DPF3: variants seen among roughly 807,000 people sequenced by gnomAD.
DPF3 encodes zinc finger protein DPF3.
A neutral mutation model predicts 56.8 loss-of-function variants in DPF3; 18 were observed. The observed-to-expected ratio is 0.32, with a 90% CI of 0.22 to 0.47. The LOEUF (loss-of-function observed/expected upper bound fraction) is 0.47. Ranked by LOEUF, DPF3 falls within the 20% of genes least tolerant of loss-of-function variation. The pLI is 1.00. For missense variants in DPF3, 403 were observed against 488.8 expected (o/e 0.82, Z 1.65); for synonymous variants, 188 against 180.2 (o/e 1.04, Z -0.35).
intron 1 of DPF3, among the ~76,000 whole-genome samples, chr14:72,854,754 C>T (rs1250298374): frequency 6.6e-6 from 1 of 152,184 alleles, no homozygotes; most frequent in Non-Finnish European, 1.5e-5. Flanking sequence ...TCAATTTCAG[C>T]CTGGCCCTGA....
chr14:72,778,121 T>G (rs115266611), intron 1 of DPF3, among the ~76,000 whole-genome samples: 3,471 of 152,240 alleles, frequency 0.023, 149 homozygotes, highest in African/African-American at 0.078. Flanking sequence ...AATCTGACCC[T>G]GCTAGCACCC....
chr14:72,827,097 T>C (rs1883841362), intron 1 of DPF3, among the ~76,000 whole-genome samples: 1 of 135,892 alleles, frequency 7.4e-6, no homozygotes, highest in Admixed American at 7.7e-5. Context: ...GTTAGTACAA[T>C]AGCCTCTGCA....
chr14:72,671,951 G>A (rs1360024386), intron 8 of DPF3, among the ~76,000 whole-genome samples: 1 of 152,182 alleles, frequency 6.6e-6, no homozygotes, highest in African/African-American at 2.4e-5. Flanking sequence ...AGTGGTAGGT[G>A]ATAAAATAGT....
chr14:72,829,997 C>G (rs1350644182), intron 1 of DPF3, among the ~76,000 whole-genome samples: 1 of 152,198 alleles, frequency 6.6e-6, no homozygotes, highest in Non-Finnish European at 1.5e-5. Flanking sequence ...CCGCCCACCT[C>G]GGCTTCCCAA....
intron 8 of DPF3, among the ~76,000 whole-genome samples, chr14:72,645,453 TG>T (rs1885695745): frequency 6.6e-6 from 1 of 152,078 alleles, no homozygotes; most frequent in South Asian, 2.1e-4. Context: ...CCCCAGTAGC[TG>T]GGACTACAGG....
chr14:72,629,825 T>A, intron 8 of DPF3, 89 bp from the exon 9 acceptor site: 3 of 1,098,932 alleles, frequency 2.7e-6, no homozygotes, highest in Non-Finnish European at 4.0e-6. Context: ...TGATGCCCAG[T>A]GTGCAGGCAG....
At chr14:72,637,066 A>C (rs1432419834) in intron 8 of DPF3, among the ~76,000 whole-genome samples, 1 of 152,252 alleles carries the variant, frequency 6.6e-6, no homozygotes, top group Non-Finnish European at 1.5e-5. Context: ...CCCAGGGGCT[A>C]TTGCACCAGT....
At chr14:72,770,438 G>A (rs1891474827) in intron 2 of DPF3, among the ~76,000 whole-genome samples, 1 of 152,344 alleles carries the variant, frequency 6.6e-6, no homozygotes, top group Middle Eastern at 3.4e-3. Flanking sequence ...GGGGAAAAAT[G>A]AATGTTGGCC....
rs905116935 is a variant in DPF3 at position 72,738,274 on chromosome 14, T to C, written c.302-6340A>G. ...GTTTTGTGACTCATAAAGCTCGAAA[T>C]AGATGAGGTTCACATTGAGGACCCA... is the stretch of plus-strand genomic sequence containing the variant. On this transcript the variant is annotated intron_variant, in intron 3 of 10. Transcript: ENST00000556509. Among the ~76,000 whole-genome samples the C allele has an allele frequency of 3.9e-5, 6 of 151,998 alleles. No homozygotes were observed. The East Asian group carries it at 1.2e-3, about 29-fold the overall frequency.
chr14:72,700,875 G>A (rs1888129092), intron 6 of DPF3, among the ~76,000 whole-genome samples: 1 of 152,240 alleles, frequency 6.6e-6, no homozygotes, highest in African/African-American at 2.4e-5. Context: ...ATGGGGAGTC[G>A]TGGCTGTTCT....
At chr14:72,870,572 C>G (rs750893330) in intron 1 of DPF3, among the ~76,000 whole-genome samples, 4 of 152,196 alleles carry the variant, frequency 2.6e-5, no homozygotes, top group Admixed American at 1.3e-4. Flanking sequence ...TTCTTGAAGA[C>G]TCTTTAACAC....
At chr14:72,791,288 T>C (rs1407919601) in intron 1 of DPF3, among the ~76,000 whole-genome samples, 2 of 152,220 alleles carry the variant, frequency 1.3e-5, no homozygotes, top group Admixed American at 6.5e-5. Flanking sequence ...GAGTGCTACA[T>C]GGCCTCTGCC....
chr14:72,694,950 A>C (rs1379147445), intron 6 of DPF3, among the ~76,000 whole-genome samples: 3 of 152,198 alleles, frequency 2.0e-5, no homozygotes, highest in Non-Finnish European at 4.4e-5. Context: ...TTATTGAACC[A>C]TTCTTGCATT....
chr14:72,624,585 C>A (rs546942421), intron 9 of DPF3, among the ~76,000 whole-genome samples: 10 of 152,174 alleles, frequency 6.6e-5, no homozygotes, highest in East Asian at 1.9e-4. Flanking sequence ...GTAATCCGCC[C>A]GCCTCAGCCT....
At chr14:72,776,391 G>C (rs973709811) in intron 1 of DPF3, among the ~76,000 whole-genome samples, 1 of 152,142 alleles carries the variant, frequency 6.6e-6, no homozygotes, top group African/African-American at 2.4e-5. Context: ...GGGGCTTTGT[G>C]AGTGATGGAG....
intron 8 of DPF3, among the ~76,000 whole-genome samples, chr14:72,668,629 C>T (rs1453730833): frequency 6.6e-6 from 1 of 152,036 alleles, no homozygotes; most frequent in Non-Finnish European, 1.5e-5. Context: ...AGACTCCAAG[C>T]TAGACTCTGA....
intron 8 of DPF3, chr14:72,661,344 C>A: frequency 1.0e-6 from 1 of 985,326 alleles, no homozygotes; most frequent in Non-Finnish European, 1.2e-6. Flanking sequence ...ACCTGCCCTG[C>A]CCTTTCAGAG....
rs1205514379 is a variant in DPF3 at position 72,756,956 on chromosome 14, G to A, written c.194-3585C>T. Among the ~76,000 whole-genome samples, 441 of 100,958 alleles carry A rather than the reference G, an allele frequency of 4.4e-3. 3 individuals are homozygous for A. The highest frequency in any genetic ancestry group is 0.014 in the South Asian group (40 of 2,840). The allele number at this position is 100,958 out of a possible 152,430, so 66.2% of individuals were successfully genotyped here. On this transcript the variant is annotated intron_variant, in intron 2 of 10. Transcript: ENST00000556509. ...AAGAGAAGAGAAGAGAAAGGGAGAG[G>A]GAAAGAGGGGGAGAGAGGGAAAGAG...
chr14:72,785,916 T>A (rs1045223820), intron 1 of DPF3, among the ~76,000 whole-genome samples: 1 of 152,130 alleles, frequency 6.6e-6, no homozygotes, highest in Admixed American at 6.5e-5. Flanking sequence ...GATTAAAGAA[T>A]CCCAGAATGT....
Sources: allele counts gnomAD v4.1 joint callset (sites outside exome capture counted in the v4.1 genomes callset), GRCh38; gene constraint gnomAD v4.1.1; transcripts MANE v1.5; gene names NCBI Gene and HGNC (gene_info 2026-07-23, HGNC 2026-07-21).